Variants in LPIN2 observed in about 807,000 individuals in gnomAD.
LPIN2 encodes phosphatidate phosphatase LPIN2.
Under a neutral mutation model 111.4 loss-of-function variants are expected in LPIN2, and 55 were observed. The observed-to-expected ratio is 0.49, with a 90% CI of 0.40 to 0.62. The LOEUF is 0.62. Among genes scored for constraint, LPIN2 ranks in the 20% least tolerant of loss-of-function variants. The pLI is 0.00. For missense variants in LPIN2, 992 were observed against 1,112.1 expected (o/e 0.89, Z 1.54); for synonymous variants, 425 against 414.0 (o/e 1.03, Z -0.32).
In LPIN2 at chr18:2,928,615, T is replaced by G. The variant is rs144466862; in HGVS notation, c.1596A>C (p.Gln532His). 5.6e-6 allele frequency: 9 copies of G among 1,614,188 alleles called. No individual in the cohort carries two copies. The highest frequency in any genetic ancestry group is 7.6e-6 in the Non-Finnish European group (9 of 1,180,034). Residue 532 changes from glutamine to histidine, a missense_variant, in exon 11 of 20, where the codon CAA (glutamine) becomes CAC (histidine). By Grantham distance (24) the Gln-to-His change is conservative. Transcript: ENST00000677752. ...ALAAPMILSL[Q>H]VFQKSLPKAT... ...CCTTAGGCAAGCTCTTCTGGAATAC[T>G]TGCAAGCTAAGGATCATGGGAGCTG...
chr18:2,969,976 T>C (rs1467581932), intron 1 of LPIN2, among the ~76,000 whole-genome samples: 6 of 152,208 alleles, frequency 3.9e-5, no homozygotes, highest in African/African-American at 7.2e-5. Context: ...AATAGAATTT[T>C]AGACATTTTA....
chr18:2,937,748 T>C lies in LPIN2; in HGVS notation c.1112A>G (p.Glu371Gly). 1 of 1,614,100 alleles carries C rather than the reference T, an allele frequency of 6.2e-7. No individual in the cohort carries two copies. The highest frequency in any genetic ancestry group is 8.5e-7 in the Non-Finnish European group (1 of 1,180,014). The change falls in exon 7 of 20, where the codon GAG becomes GGG. Residue 371 changes from glutamate (E) to glycine (G), a missense_variant. Glu to Gly is a moderately conservative substitution (Grantham distance 98). Transcript: ENST00000677752. ...TGCCGGTTTGGATTCTGAGGGCGCC[T>C]CCGCTAAGGCTGCGTTGGGAAGGTG... is the stretch of plus-strand genomic sequence containing the variant. ...ADHLPNAALA[E>G]APSESKPAAK... is the part of the protein sequence containing the mutation.
Position 2,917,204 on chromosome 18 carries a change from AATT to A in LPIN2, c.*3086_*3088del, listed in dbSNP as rs2076982696. ...AAATACTTCATCATAGGCTGAACAT[AATT>A]ATTAAAAGAGCAAAGTTTCCCCTCC... is the stretch of plus-strand genomic sequence containing the variant. On this transcript the variant is annotated 3_prime_UTR_variant, in exon 20 of 20. Transcript: ENST00000677752. 6.6e-6 allele frequency: 1 copy of A among 152,214 alleles called. No homozygotes were observed. Among genetic ancestry groups the A allele is most frequent in the Non-Finnish European group, 1.5e-5 (1 of 68,030 alleles). The allele number at this position is 152,214 out of a possible 1,614,324, so 9.4% of individuals were successfully genotyped here. A position where few individuals can be genotyped will look rare whatever the true frequency, so the allele number is the denominator to read the frequency against.
At chr18:2,942,937 G>A (rs1286803628) in intron 4 of LPIN2, among the ~76,000 whole-genome samples, 1 of 152,226 alleles carries the variant, frequency 6.6e-6, no homozygotes, top group Non-Finnish European at 1.5e-5. Context: ...TCAGAACTGA[G>A]CAAAAGATGT....
At chr18:2,933,899 G>C (rs2077248084) in intron 8 of LPIN2, among the ~76,000 whole-genome samples, 1 of 152,226 alleles carries the variant, frequency 6.6e-6, no homozygotes, top group South Asian at 2.1e-4. Context: ...CGCGGGGGCA[G>C]TGCCCCACCA....
chr18:2,992,046 T>C (rs2078274184), intron 1 of LPIN2, among the ~76,000 whole-genome samples: 2 of 151,152 alleles, frequency 1.3e-5, no homozygotes, highest in South Asian at 2.1e-4. Flanking sequence ...AAAATAAATA[T>C]AGAATTGCCA....
intron 11 of LPIN2, 75 bp from the exon 12 acceptor site, chr18:2,927,886 G>A: frequency 1.7e-6 from 2 of 1,189,242 alleles, no homozygotes; most frequent in East Asian, 2.3e-5. Flanking sequence ...CTAGCCTGAA[G>A]GACGGGGCCT....
At position 2,934,199 on chromosome 18, in the gene LPIN2, G is replaced by A. The variant is rs9635812; in HGVS notation, c.1268+152C>T. On this transcript the variant is annotated intron_variant, in intron 8 of 19. Transcript: ENST00000677752. ...GTCACTATATTGAAATAAGACACGC[G>A]CTATTTCTAAATTTTCCAAAACCTG... The A allele has an allele frequency of 0.33, 197,358 of 604,674 alleles. 35,211 individuals carry two copies. The highest frequency in any genetic ancestry group is 0.59 in the East Asian group (19,640 of 33,350). The allele number at this position is 604,674 out of a possible 1,614,324, so 37.5% of individuals were successfully genotyped here. A position where few individuals can be genotyped will look rare whatever the true frequency, so the allele number is the denominator to read the frequency against.
intron 1 of LPIN2, among the ~76,000 whole-genome samples, chr18:3,008,677 T>A (rs2143508793): frequency 6.6e-6 from 1 of 152,274 alleles, no homozygotes. Context: ...AGCCAAATAA[T>A]TTTTAAACCT....
chr18:2,921,712 TA>T, intron 17 of LPIN2, 65 bp from the exon 18 acceptor site: 2 of 1,191,044 alleles, frequency 1.7e-6, no homozygotes, highest in Non-Finnish European at 1.2e-6. Context: ...TGAGTGGTCC[TA>T]AAATTTTAGT....
intron 1 of LPIN2, among the ~76,000 whole-genome samples, chr18:2,992,655 GC>G (rs1362740351): frequency 6.6e-6 from 1 of 152,112 alleles, no homozygotes; most frequent in African/African-American, 2.4e-5. Flanking sequence ...TTCAAGACCA[GC>G]CTGGGCAATA....
chr18:2,950,053 AT>A (rs1412101436), intron 4 of LPIN2, among the ~76,000 whole-genome samples: 2 of 152,136 alleles, frequency 1.3e-5, no homozygotes, highest in Admixed American at 1.3e-4. Context: ...GTGAGCTATG[AT>A]TGCACCACTG....
At chr18:2,938,133 T>A in intron 6 of LPIN2, 96 bp from the exon 7 acceptor site, 1 of 916,048 alleles carries the variant, frequency 1.1e-6, no homozygotes, top group Admixed American at 2.0e-5. Context: ...TATTTTTAAC[T>A]TAACACATTC....
chr18:3,000,940 A>AG, intron 1 of LPIN2, among the ~76,000 whole-genome samples: 1 of 127,820 alleles, frequency 7.8e-6, no homozygotes, highest in East Asian at 2.8e-4. Context: ...AAAAATGGGT[A>AG]GGGGGGAAAG....
At chr18:2,985,954 C>T (rs1025149015) in intron 1 of LPIN2, among the ~76,000 whole-genome samples, 7 of 152,118 alleles carry the variant, frequency 4.6e-5, no homozygotes, top group Non-Finnish European at 8.8e-5. Context: ...TAATACCCAC[C>T]GGAATTCCTC....
intron 2 of LPIN2, among the ~76,000 whole-genome samples, chr18:2,960,174 A>ATGTGTGTGTGTGTGTGTGTG (rs59457524): frequency 6.6e-5 from 9 of 136,632 alleles, no homozygotes; most frequent in Non-Finnish European, 1.1e-4. Context: ...CGACTCAAAA[A>ATGTGTGTGTGTGTGTGTGTG]TGTGTGTGTG....
intron 16 of LPIN2, among the ~76,000 whole-genome samples, chr18:2,923,420 C>CAA (rs869052239): frequency 0.015 from 395 of 26,550 alleles, 19 homozygotes; most frequent in Middle Eastern, 0.026. Flanking sequence ...AACTCCATCT[C>CAA]AAAAAAAAAA....
At chr18:2,987,381 C>T (rs2078202210) in intron 1 of LPIN2, among the ~76,000 whole-genome samples, 1 of 152,152 alleles carries the variant, frequency 6.6e-6, no homozygotes, top group African/African-American at 2.4e-5. Flanking sequence ...AAAACAGCAA[C>T]AAACAACAAA....
rs748082204 is a variant in LPIN2, at chr18:2,923,757, C to T, written c.2174+18G>A. Reference sequence around the variant, plus strand: ...CTTCCAGCTCACCAGAGCGAGTTAACGTGGGGAGGGTACCTACTCATTGAT... The same window carrying T: ...CTTCCAGCTCACCAGAGCGAGTTAATGTGGGGAGGGTACCTACTCATTGAT... On this transcript the variant is annotated intron_variant, in intron 16 of 19. Transcript: ENST00000677752. 2.4e-5 allele frequency: 39 copies of T among 1,606,314 alleles called. No individual in the cohort carries two copies. Among genetic ancestry groups the T allele is most frequent in the African/African-American group, 5.4e-5 (4 of 74,742 alleles).
Sources: allele counts gnomAD v4.1 joint callset (sites outside exome capture counted in the v4.1 genomes callset), GRCh38; gene constraint gnomAD v4.1.1; transcripts MANE v1.5; gene names NCBI Gene and HGNC (gene_info 2026-07-23, HGNC 2026-07-21).